The following EPHA5 variants were observed in gnomAD, a reference collection of about 807,000 sequenced individuals.
The protein encoded by EPHA5 is EPH receptor A5, also known as ephrin type-A receptor 5.
EPHA5 carries 60 observed loss-of-function variants against 105.0 expected under a neutral mutation model. The observed-to-expected ratio is 0.57, with a 90% CI of 0.46 to 0.71. The LOEUF (loss-of-function observed/expected upper bound fraction) is 0.71, where lower values mean the gene tolerates loss of function less well. Ranked by LOEUF, EPHA5 falls within the 30% of genes least tolerant of loss-of-function variation. EPHA5 has a pLI of 0.00. For synonymous variants in EPHA5, 513 were observed against 449.1 expected, an observed-to-expected ratio of 1.14 and a Z score of -1.80; for missense variants, 1,218 against 1,274.7, an observed-to-expected ratio of 0.96 and a Z score of 0.68.
At chr4:65,632,795 A>C (rs1746769299) in intron 2 of EPHA5, among the ~76,000 whole-genome samples, 1 of 152,092 alleles carries the variant, frequency 6.6e-6, no homozygotes, top group African/African-American at 2.4e-5. Context: ...ATTCATCCAA[A>C]GAAGTATCCA....
chr4:65,327,206 A>T (rs1484192987), intron 16 of EPHA5, among the ~76,000 whole-genome samples: 2 of 151,234 alleles, frequency 1.3e-5, no homozygotes, highest in East Asian at 3.9e-4. Context: ...GTATTGTTTG[A>T]GTTTATTGAA....
intron 5 of EPHA5, among the ~76,000 whole-genome samples, chr4:65,440,006 T>A (rs189237542): frequency 5.3e-4 from 81 of 152,228 alleles, no homozygotes; most frequent in Non-Finnish European, 9.4e-4. Context: ...ATCCTAATTA[T>A]CAGAAAATAA....
intron 9 of EPHA5, among the ~76,000 whole-genome samples, chr4:65,367,065 G>T (rs1717978860): frequency 1.3e-5 from 2 of 151,406 alleles, no homozygotes; most frequent in Admixed American, 1.3e-4. Flanking sequence ...AATATTCCAG[G>T]AAATTTTATT....
At chr4:65,328,630 T>C (rs533383781) in intron 16 of EPHA5, among the ~76,000 whole-genome samples, 1 of 123,990 alleles carries the variant, frequency 8.1e-6, no homozygotes, top group South Asian at 3.0e-4. Flanking sequence ...AGTTTTATCA[T>C]GCAGTTGTAT....
At chr4:65,405,989 C>T (rs1722321530) in intron 7 of EPHA5, among the ~76,000 whole-genome samples, 1 of 152,090 alleles carries the variant, frequency 6.6e-6, no homozygotes, top group Admixed American at 6.6e-5. Context: ...TGAGCTGCAA[C>T]TGCTGCTTGA....
intron 3 of EPHA5, among the ~76,000 whole-genome samples, chr4:65,530,628 C>T (rs1005207608): frequency 1.3e-5 from 2 of 152,032 alleles, no homozygotes; most frequent in African/African-American, 2.4e-5. Flanking sequence ...ATGTGGATAG[C>T]GAAGAAAATG....
intron 3 of EPHA5, among the ~76,000 whole-genome samples, chr4:65,567,373 C>T (rs1219312175): frequency 6.6e-6 from 1 of 151,460 alleles, no homozygotes; most frequent in Non-Finnish European, 1.5e-5. Flanking sequence ...ACCGACAATC[C>T]TCATCATTAC....
intron 7 of EPHA5, among the ~76,000 whole-genome samples, chr4:65,412,732 G>T (rs1303645941): frequency 6.6e-6 from 1 of 152,056 alleles, no homozygotes; most frequent in Admixed American, 6.6e-5. Flanking sequence ...AAGTAAACAG[G>T]AAATGATTAA....
chr4:65,493,517 A>T (rs1005297500), intron 4 of EPHA5, among the ~76,000 whole-genome samples: 8 of 152,198 alleles, frequency 5.3e-5, no homozygotes, highest in Non-Finnish European at 8.8e-5. Flanking sequence ...TATTTGTGGT[A>T]TTATGAATGC....
chr4:65,406,632 T>C (rs1722384718), intron 7 of EPHA5, among the ~76,000 whole-genome samples: 1 of 152,162 alleles, frequency 6.6e-6, no homozygotes, highest in Admixed American at 6.5e-5. Context: ...CTCTTTCTGA[T>C]ACTTCTTCCT....
intron 8 of EPHA5, among the ~76,000 whole-genome samples, chr4:65,372,905 G>A (rs1718628314): frequency 6.6e-6 from 1 of 151,794 alleles, no homozygotes; most frequent in South Asian, 2.1e-4. Flanking sequence ...TTTTAGAATA[G>A]CTATAATAGG....
chr4:65,545,424 C>T (rs2149329812), intron 3 of EPHA5, among the ~76,000 whole-genome samples: 1 of 151,994 alleles, frequency 6.6e-6, no homozygotes, highest in Middle Eastern at 3.4e-3. Flanking sequence ...TAACACACAT[C>T]TCAAAGCAGA....
At chr4:65,497,048 C>T (rs1272549812) in intron 3 of EPHA5, among the ~76,000 whole-genome samples, 1 of 152,130 alleles carries the variant, frequency 6.6e-6, no homozygotes, top group Non-Finnish European at 1.5e-5. Context: ...GCTAATTGCT[C>T]AGTATGGGTC....
intron 3 of EPHA5, among the ~76,000 whole-genome samples, chr4:65,575,313 T>C (rs998760678): frequency 1.4e-4 from 21 of 152,170 alleles, no homozygotes; most frequent in African/African-American, 5.1e-4. Context: ...TGGTTCCATG[T>C]ACCTTCTTCA....
At chr4:65,514,319 G>A (rs560863384) in intron 3 of EPHA5, among the ~76,000 whole-genome samples, 1 of 152,094 alleles carries the variant, frequency 6.6e-6, no homozygotes, top group Non-Finnish European at 1.5e-5. Context: ...CCATGCCTGC[G>A]ATTAGAGCAG....
At chr4:65,559,607 G>C (rs1421817775) in intron 3 of EPHA5, among the ~76,000 whole-genome samples, 1 of 152,094 alleles carries the variant, frequency 6.6e-6, no homozygotes, top group East Asian at 1.9e-4. Flanking sequence ...ATATTAACCA[G>C]CAGGCTCTTT....
chr4:65,557,594 G>C (rs1021918476), intron 3 of EPHA5, among the ~76,000 whole-genome samples: 2 of 151,890 alleles, frequency 1.3e-5, no homozygotes, highest in South Asian at 2.1e-4. Flanking sequence ...AGAGAGATTA[G>C]GGCAATGTGT....
intron 1 of EPHA5, among the ~76,000 whole-genome samples, chr4:65,658,698 G>A (rs547949816): frequency 1.6e-4 from 25 of 152,170 alleles, no homozygotes; most frequent in African/African-American, 5.8e-4. Context: ...GGCACAGAGA[G>A]GTTTACTAGC....
chr4:65,553,275 T>C (rs1338996041), intron 3 of EPHA5, among the ~76,000 whole-genome samples: 1 of 152,094 alleles, frequency 6.6e-6, no homozygotes, highest in Admixed American at 6.6e-5. Context: ...CATTGTGTCA[T>C]CTAAGCCATC....
Sources: allele counts gnomAD v4.1 joint callset (sites outside exome capture counted in the v4.1 genomes callset), GRCh38; gene constraint gnomAD v4.1.1; transcripts MANE v1.5; gene names NCBI Gene and HGNC (gene_info 2026-07-23, HGNC 2026-07-21).